EXOC6: variants seen among roughly 807,000 people sequenced by gnomAD.
EXOC6 encodes the protein SEC15-like 1.
EXOC6 carries 60 observed loss-of-function variants against 112.5 expected under a neutral mutation model. That is an observed-to-expected ratio of 0.53 (90% confidence interval 0.43 to 0.66). EXOC6 has a LOEUF of 0.66. Ranked by LOEUF, EXOC6 falls within the 30% of genes least tolerant of loss-of-function variation. The pLI, the probability that EXOC6 is intolerant of heterozygous loss-of-function variation, is 0.00. For synonymous variants in EXOC6, 295 were observed against 308.0 expected (o/e 0.96, Z 0.44); for missense variants, 855 against 957.1 (o/e 0.89, Z 1.41).
chr10:93,013,450 C>CA (rs561235113), intron 19 of EXOC6, among the ~76,000 whole-genome samples: 5 of 151,202 alleles, frequency 3.3e-5, no homozygotes, highest in African/African-American at 9.7e-5. Flanking sequence ...TACTAAAATA[C>CA]AAAAAAAATT....
chr10:92,900,672 A>AC (rs1415212468), intron 5 of EXOC6: 1 of 151,996 alleles, frequency 6.6e-6, no homozygotes, highest in African/African-American at 2.4e-5. Context: ...AAAAAAAAAA[A>AC]AAACAGATAT....
intron 7 of EXOC6, among the ~76,000 whole-genome samples, chr10:92,916,603 C>T (rs1203833561): frequency 6.6e-6 from 1 of 152,224 alleles, no homozygotes; most frequent in Non-Finnish European, 1.5e-5. Flanking sequence ...TCCTTTCTAG[C>T]AACTAGTGAC....
intron 9 of EXOC6, among the ~76,000 whole-genome samples, chr10:92,929,873 A>G (rs1230027774): frequency 6.6e-6 from 1 of 152,208 alleles, no homozygotes; most frequent in African/African-American, 2.4e-5. Context: ...TTGGAGTTTC[A>G]GAAAGAGGAT....
intron 13 of EXOC6, among the ~76,000 whole-genome samples, chr10:92,941,839 C>T (rs1345836121): frequency 1.3e-5 from 2 of 152,194 alleles, no homozygotes; most frequent in African/African-American, 4.8e-5. Flanking sequence ...TATGCCCCCA[C>T]ACTTGAATTA....
intron 1 of EXOC6, among the ~76,000 whole-genome samples, chr10:92,870,369 T>G (rs1200499234): frequency 2.0e-5 from 3 of 152,210 alleles, no homozygotes; most frequent in African/African-American, 7.2e-5. Context: ...TTCTTCTGCA[T>G]CTATGGAGAT....
chr10:92,997,741 A>G (rs1210542137), intron 19 of EXOC6, 126 bp downstream of exon 19: 2 of 696,472 alleles, frequency 2.9e-6, no homozygotes, highest in East Asian at 6.4e-5. Context: ...AACTTTTAGC[A>G]GCCTTAGGAG....
chr10:92,873,536 G>C (rs1301738941), intron 1 of EXOC6, among the ~76,000 whole-genome samples: 2 of 152,154 alleles, frequency 1.3e-5, no homozygotes, highest in Non-Finnish European at 2.9e-5. Context: ...TTTAAGATAT[G>C]AATGTATCTT....
At chr10:92,976,114 C>A (rs1219222663) in intron 18 of EXOC6, among the ~76,000 whole-genome samples, 1 of 151,696 alleles carries the variant, frequency 6.6e-6, no homozygotes, top group Non-Finnish European at 1.5e-5. Flanking sequence ...CTCTGCCCGG[C>A]CACCCCTACT....
intron 5 of EXOC6, among the ~76,000 whole-genome samples, chr10:92,902,079 CAT>C (rs755485818): frequency 1.8e-3 from 267 of 150,720 alleles, no homozygotes; most frequent in African/African-American, 5.8e-3. Context: ...CACACACACA[CAT>C]ACACACACAC....
chr10:92,879,774 T>A (rs1848858307), intron 1 of EXOC6, among the ~76,000 whole-genome samples: 1 of 152,194 alleles, frequency 6.6e-6, no homozygotes, highest in South Asian at 2.1e-4. Context: ...GTAAAATTAT[T>A]ATATGTGTTC....
At chr10:92,855,344 G>A (rs1847549171) in intron 1 of EXOC6, among the ~76,000 whole-genome samples, 1 of 152,084 alleles carries the variant, frequency 6.6e-6, no homozygotes, top group Admixed American at 6.6e-5. Context: ...CTACAGGCAT[G>A]TTCCACCATG....
intron 6 of EXOC6, among the ~76,000 whole-genome samples, chr10:92,910,890 C>T (rs1462835586): frequency 1.5e-5 from 1 of 66,914 alleles, no homozygotes; most frequent in South Asian, 6.5e-4. Context: ...GATCGCGCCA[C>T]TGCACTCCAG....
At chr10:92,975,186 G>A (rs542800238) in intron 18 of EXOC6, among the ~76,000 whole-genome samples, 21 of 149,376 alleles carry the variant, frequency 1.4e-4, no homozygotes, top group African/African-American at 3.0e-4. Context: ...GCCGCCCATC[G>A]TCTGAGATGT....
intron 13 of EXOC6, among the ~76,000 whole-genome samples, chr10:92,943,666 T>C (rs964839756): frequency 6.6e-6 from 1 of 152,186 alleles, no homozygotes; most frequent in Non-Finnish European, 1.5e-5. Flanking sequence ...CATTATGGAA[T>C]GATTAAATCA....
chr10:92,978,540 A>G (rs1404673365), intron 18 of EXOC6, among the ~76,000 whole-genome samples: 1 of 152,186 alleles, frequency 6.6e-6, no homozygotes, highest in Non-Finnish European at 1.5e-5. Flanking sequence ...TAGAGTGATT[A>G]TATTATTGCT....
intron 19 of EXOC6, among the ~76,000 whole-genome samples, chr10:93,003,425 C>A (rs1028231835): frequency 1.3e-5 from 2 of 152,162 alleles, no homozygotes; most frequent in Non-Finnish European, 2.9e-5. Context: ...TCTATGTGCT[C>A]ATTTGTTTTT....
At chr10:93,053,666 T>G (rs1467259162) in intron 20 of EXOC6, among the ~76,000 whole-genome samples, 1 of 152,240 alleles carries the variant, frequency 6.6e-6, no homozygotes, top group African/African-American at 2.4e-5. Context: ...TAGCCTGTAC[T>G]TATAAAGCCT....
chr10:92,922,436 G>C (rs190300752), intron 8 of EXOC6, among the ~76,000 whole-genome samples: 1 of 152,148 alleles, frequency 6.6e-6, no homozygotes, highest in Non-Finnish European at 1.5e-5. Context: ...GCTTGGTATA[G>C]GACCTGGTAT....
At chr10:92,893,777 A>C (rs1318411095) in intron 2 of EXOC6, among the ~76,000 whole-genome samples, 1 of 152,218 alleles carries the variant, frequency 6.6e-6, no homozygotes, top group Non-Finnish European at 1.5e-5. Context: ...CAAAACATGC[A>C]TACAATGAAA....
Sources: gnomAD v4.1 joint callset for allele counts (sites outside exome capture counted in the v4.1 genomes callset) on GRCh38, gnomAD v4.1.1 for gene constraint, MANE v1.5 for transcripts, NCBI Gene and HGNC (gene_info 2026-07-23, HGNC 2026-07-21) for gene names.